Variants in DCC observed in about 807,000 individuals in gnomAD.
DCC encodes netrin receptor DCC.
Under a neutral mutation model 172.5 loss-of-function variants are expected in DCC, and 58 were observed. That is an observed-to-expected ratio of 0.34 (90% CI 0.27 to 0.42). The LOEUF is 0.42. Among genes scored for constraint, DCC ranks in the 10% least tolerant of loss-of-function variants. The pLI is 1.00. For synonymous variants in DCC, 709 were observed against 644.5 expected (o/e 1.10, Z -1.52); for missense variants, 1,740 against 1,791.0 (o/e 0.97, Z 0.51).
intron 12 of DCC, among the ~76,000 whole-genome samples, chr18:53,259,965 A>T (rs985036880): frequency 3.9e-5 from 6 of 152,024 alleles, no homozygotes; most frequent in African/African-American, 1.4e-4. Context: ...ATCTTCCATC[A>T]CTGATACCCT....
intron 1 of DCC, among the ~76,000 whole-genome samples, chr18:52,488,031 T>C (rs1367313650): frequency 6.6e-6 from 1 of 151,982 alleles, no homozygotes; most frequent in Non-Finnish European, 1.5e-5. Context: ...ATTGTTCCCA[T>C]CCCAATCAAA....
intron 1 of DCC, among the ~76,000 whole-genome samples, chr18:52,679,921 G>T (rs961679577): frequency 6.6e-6 from 1 of 151,350 alleles, no homozygotes; most frequent in African/African-American, 2.4e-5. Flanking sequence ...CATATATTTT[G>T]TATAAACAAT....
intron 12 of DCC, among the ~76,000 whole-genome samples, chr18:53,259,899 T>C (rs2144679146): frequency 2.8e-5 from 1 of 35,616 alleles, no homozygotes; most frequent in South Asian, 8.7e-4. Context: ...TCTTGGAGGC[T>C]TTGTTCTTTT....
rs551430682 is a variant in DCC, at chr18:53,260,904, A to G, written c.1912-44674A>G. Reference sequence around the variant, plus strand: ...TACCTACTCAAGCCTCAGCAATCGTAGGCACCCCTCCCCCAGCCTCGCTGC... The same window carrying G: ...TACCTACTCAAGCCTCAGCAATCGTGGGCACCCCTCCCCCAGCCTCGCTGC... On this transcript the variant is annotated intron_variant, in intron 12 of 28. Transcript: ENST00000442544. 1.4e-4 allele frequency among the ~76,000 whole-genome samples: 22 copies of G among 152,144 alleles called. No individual in the cohort carries two copies. In the South Asian group the frequency reaches 4.1e-3, roughly 29 times the overall value.
chr18:52,458,224 G>T (rs2144531401), intron 1 of DCC, among the ~76,000 whole-genome samples: 1 of 152,246 alleles, frequency 6.6e-6, no homozygotes, highest in Non-Finnish European at 1.5e-5. Flanking sequence ...TCACACGGCT[G>T]CAGGGGCTGC....
chr18:53,218,342 G>A (rs1175057295), intron 12 of DCC, among the ~76,000 whole-genome samples: 1 of 151,968 alleles, frequency 6.6e-6, no homozygotes, highest in East Asian at 1.9e-4. Context: ...AAACTGAGGG[G>A]TTGTTATAAG....
intron 15 of DCC, among the ~76,000 whole-genome samples, chr18:53,354,315 C>G (rs868416654): frequency 9.9e-5 from 15 of 152,264 alleles, no homozygotes; most frequent in Non-Finnish European, 1.6e-4. Flanking sequence ...ATTTCTAGTT[C>G]TAGATCCCTG....
intron 7 of DCC, among the ~76,000 whole-genome samples, chr18:53,083,018 G>A (rs2042828083): frequency 9.0e-6 from 1 of 111,530 alleles, no homozygotes; most frequent in Non-Finnish European, 2.0e-5. Context: ...CAATTCTAAG[G>A]TCATTTTTTT....
intron 1 of DCC, among the ~76,000 whole-genome samples, chr18:52,425,510 T>C (rs1598808514): frequency 6.6e-6 from 1 of 152,092 alleles, no homozygotes; most frequent in South Asian, 2.1e-4. Context: ...TATCAGCACG[T>C]TCTATGTCCC....
At chr18:52,745,961 T>G (rs187236099) in intron 1 of DCC, among the ~76,000 whole-genome samples, 2 of 152,344 alleles carry the variant, frequency 1.3e-5, no homozygotes, top group East Asian at 3.9e-4. Flanking sequence ...AACATATGCT[T>G]AGGGATTCTG....
intron 8 of DCC, among the ~76,000 whole-genome samples, chr18:53,157,985 T>C (rs1444568869): frequency 6.6e-6 from 1 of 152,156 alleles, no homozygotes; most frequent in Non-Finnish European, 1.5e-5. Context: ...AATTGGATTG[T>C]TTGTAATGCA....
intron 27 of DCC, among the ~76,000 whole-genome samples, chr18:53,500,112 AG>A (rs2046078228): frequency 6.6e-6 from 1 of 152,198 alleles, no homozygotes; most frequent in South Asian, 2.1e-4. Context: ...ATAAGATGGC[AG>A]GGATGGGAAA....
chr18:52,613,446 A>G (rs370533226), intron 1 of DCC, among the ~76,000 whole-genome samples: 4 of 151,898 alleles, frequency 2.6e-5, no homozygotes, highest in Non-Finnish European at 5.9e-5. Flanking sequence ...TAGTAGAGAC[A>G]GGGTTTCACC....
intron 15 of DCC, among the ~76,000 whole-genome samples, chr18:53,347,040 T>A (rs1643764545): frequency 6.6e-6 from 1 of 152,216 alleles, no homozygotes; most frequent in South Asian, 2.1e-4. Flanking sequence ...GTGTTTAGGC[T>A]GAGACTTAGG....
intron 2 of DCC, among the ~76,000 whole-genome samples, chr18:52,813,567 A>AC (rs2038237819): frequency 6.6e-6 from 1 of 150,558 alleles, no homozygotes; most frequent in Non-Finnish European, 1.5e-5. Context: ...GGAAGAAAAG[A>AC]CAATGTGTGA....
At chr18:52,931,260 T>C (rs1477143133) in intron 5 of DCC, among the ~76,000 whole-genome samples, 3 of 152,104 alleles carry the variant, frequency 2.0e-5, no homozygotes, top group Non-Finnish European at 2.9e-5. Context: ...ATTGAATTTA[T>C]TGCCTTCTTA....
chr18:52,465,440 G>T (rs952896487), intron 1 of DCC, among the ~76,000 whole-genome samples: 2 of 152,108 alleles, frequency 1.3e-5, no homozygotes, highest in Non-Finnish European at 2.9e-5. Context: ...CAGCAAGTGT[G>T]CTCAGCTCAC....
chr18:53,329,590 A>C (rs1477963652), intron 14 of DCC, among the ~76,000 whole-genome samples: 1 of 152,116 alleles, frequency 6.6e-6, no homozygotes, highest in Non-Finnish European at 1.5e-5. Context: ...ATTTTACTAA[A>C]AACTATAAAA....
chr18:52,672,354 C>T (rs4542757), intron 1 of DCC, among the ~76,000 whole-genome samples: 99,594 of 152,020 alleles, frequency 0.66, 32,636 homozygotes, highest in East Asian at 0.7. Context: ...ACCTAAATTA[C>T]CTAAAATCCA....
Sources: allele counts gnomAD v4.1 joint callset (sites outside exome capture counted in the v4.1 genomes callset), GRCh38; gene constraint gnomAD v4.1.1; transcripts MANE v1.5; gene names NCBI Gene and HGNC (gene_info 2026-07-23, HGNC 2026-07-21).